The following ADCY5 variants were observed in gnomAD, a reference collection of about 807,000 sequenced individuals.
The protein encoded by ADCY5 is adenylate cyclase 5, also known as adenylate cyclase type 5.
In ADCY5, 30 loss-of-function variants were observed where a neutral mutation model predicts 119.7. That is an observed-to-expected ratio of 0.25 (90% CI 0.19 to 0.34). The LOEUF is 0.34. Among genes scored for constraint, ADCY5 ranks in the 10% least tolerant of loss-of-function variants. ADCY5 has a pLI of 1.00. For synonymous variants in ADCY5, 753 were observed against 762.2 expected, an observed-to-expected ratio of 0.99 and a Z score of 0.20; for missense variants, 1,324 against 1,775.2, an observed-to-expected ratio of 0.75 and a Z score of 4.57.
intron 1 of ADCY5, among the ~76,000 whole-genome samples, chr3:123,396,580 AAAG>A (rs1559860303): frequency 1.4e-5 from 2 of 143,632 alleles, no homozygotes; most frequent in Non-Finnish European, 1.5e-5. Context: ...AAGAAAAAGA[AAAG>A]AAAAGAGAAG....
At chr3:123,285,096 C>G (rs1357638713) in intron 20 of ADCY5, among the ~76,000 whole-genome samples, 2 of 152,210 alleles carry the variant, frequency 1.3e-5, no homozygotes, top group Non-Finnish European at 2.9e-5. Context: ...GCCATCTGAC[C>G]TGGCTGCAGC....
intron 1 of ADCY5, among the ~76,000 whole-genome samples, chr3:123,354,829 A>G (rs1942981907): frequency 6.6e-6 from 1 of 152,240 alleles, no homozygotes; most frequent in Non-Finnish European, 1.5e-5. Flanking sequence ...AATTTTCCAT[A>G]TTAATAGACT....
At chr3:123,319,535 G>T in intron 10 of ADCY5, 139 bp downstream of exon 10, 1 of 1,042,510 alleles carries the variant, frequency 9.6e-7, no homozygotes, top group South Asian at 1.6e-5. Context: ...TCTCTAGGTA[G>T]TGCAGCATCA....
chr3:123,399,859 G>A (rs568534117), intron 1 of ADCY5, among the ~76,000 whole-genome samples: 8 of 152,192 alleles, frequency 5.3e-5, no homozygotes, highest in Admixed American at 2.0e-4. Context: ...TTCATGTAAC[G>A]ACCCTGTGGA....
chr3:123,431,654 C>T (rs1372245314), intron 1 of ADCY5, among the ~76,000 whole-genome samples: 1 of 152,178 alleles, frequency 6.6e-6, no homozygotes, highest in Non-Finnish European at 1.5e-5. Flanking sequence ...GCCATTTATC[C>T]AGCCACATTT....
At chr3:123,427,713 A>G (rs983888055) in intron 1 of ADCY5, among the ~76,000 whole-genome samples, 9 of 152,190 alleles carry the variant, frequency 5.9e-5, no homozygotes, top group African/African-American at 2.2e-4. Flanking sequence ...CATCTGCAAG[A>G]TGTGGGTGAC....
chr3:123,447,303 C>A, intron 1 of ADCY5, 109 bp downstream of exon 1: 2 of 1,250,756 alleles, frequency 1.6e-6, no homozygotes, highest in Admixed American at 3.0e-5. Context: ...CCCTGTCTCT[C>A]TGGCTCTTTT....
At chr3:123,393,433 T>C (rs1462154583) in intron 1 of ADCY5, among the ~76,000 whole-genome samples, 3 of 152,032 alleles carry the variant, frequency 2.0e-5, no homozygotes, top group South Asian at 2.1e-4. Flanking sequence ...GGGTAATGCC[T>C]GTAGCCTTAG....
At chr3:123,292,953 G>T (rs1939248573) in intron 17 of ADCY5, among the ~76,000 whole-genome samples, 1 of 152,220 alleles carries the variant, frequency 6.6e-6, no homozygotes, top group Non-Finnish European at 1.5e-5. Flanking sequence ...GTGGAAGCTA[G>T]GGGCAGGGCC....
At chr3:123,381,376 T>G (rs4677887) in intron 1 of ADCY5, among the ~76,000 whole-genome samples, 72,019 of 152,042 alleles carry the variant, frequency 0.47, 17,824 homozygotes, top group East Asian at 0.68. Context: ...ACTATACCTC[T>G]TTCTCACAAA....
intron 1 of ADCY5, among the ~76,000 whole-genome samples, chr3:123,362,538 C>T (rs1943283426): frequency 6.6e-6 from 1 of 152,188 alleles, no homozygotes; most frequent in Non-Finnish European, 1.5e-5. Flanking sequence ...AGACCCCACG[C>T]TTTGCGCAAC....
chr3:123,378,771 C>T (rs886886124), intron 1 of ADCY5, among the ~76,000 whole-genome samples: 1 of 152,176 alleles, frequency 6.6e-6, no homozygotes, highest in African/African-American at 2.4e-5. Flanking sequence ...TCCCCAGCTC[C>T]GACTGGCCAG....
At chr3:123,294,102 T>C (rs567377380) in intron 17 of ADCY5, among the ~76,000 whole-genome samples, 2 of 152,310 alleles carry the variant, frequency 1.3e-5, no homozygotes, top group South Asian at 4.1e-4. Flanking sequence ...TTGCAGACGA[T>C]AACCCACTGG....
At chr3:123,422,027 C>T (rs115049500) in intron 1 of ADCY5, among the ~76,000 whole-genome samples, 3 of 152,276 alleles carry the variant, frequency 2.0e-5, no homozygotes, top group Non-Finnish European at 4.4e-5. Context: ...CCCGGTGTTT[C>T]TCCCCTGGCC....
At chr3:123,319,320 C>CTG (rs1941087777) in intron 10 of ADCY5, among the ~76,000 whole-genome samples, 1 of 143,690 alleles carries the variant, frequency 7.0e-6, no homozygotes, top group African/African-American at 2.6e-5. Context: ...AGCCACTGGA[C>CTG]TCCAGCCTGG....
chr3:123,291,653 G>C (rs1026104337), intron 17 of ADCY5, among the ~76,000 whole-genome samples: 1 of 152,102 alleles, frequency 6.6e-6, no homozygotes, highest in African/African-American at 2.4e-5. Context: ...CCTGCAGCAG[G>C]GAGCCCCGAG....
chr3:123,447,577 G>C lies in ADCY5; in HGVS notation c.969C>G (p.Arg323=), dbSNP rs1184825705. 1.2e-6 allele frequency: 2 copies of C among 1,608,314 alleles called. No individual in the cohort carries two copies. Among genetic ancestry groups the C allele is most frequent in the Admixed American group, 3.3e-5 (2 of 59,858 alleles). The change falls in exon 1 of 21, where the codon CGC becomes CGG. Residue 323 remains arginine, a synonymous_variant. Coordinates refer to ENST00000462833, the MANE Select transcript of ADCY5 (RefSeq NM_183357.3). ...QVVGLLLPQP[R]SASEGIWWTV... The stretch of plus-strand genomic sequence containing the variant: ...TCCACCAGATGCCCTCAGAGGCGCT[G>C]CGTGGCTGCGGCAGCAGCAGGCCCA...
chr3:123,314,667 G>A (rs1231703663), intron 11 of ADCY5, among the ~76,000 whole-genome samples: 1 of 152,198 alleles, frequency 6.6e-6, no homozygotes, highest in Non-Finnish European at 1.5e-5. Flanking sequence ...CTAATTCTCA[G>A]CTATTCACTG....
intron 1 of ADCY5, among the ~76,000 whole-genome samples, chr3:123,386,207 T>G (rs898805096): frequency 6.6e-6 from 1 of 152,188 alleles, no homozygotes; most frequent in African/African-American, 2.4e-5. Context: ...CCAAGCTGGG[T>G]GACTCAGCCT....
Sources: gnomAD v4.1 joint callset for allele counts (sites outside exome capture counted in the v4.1 genomes callset) on GRCh38, gnomAD v4.1.1 for gene constraint, MANE v1.5 for transcripts, NCBI Gene and HGNC (gene_info 2026-07-23, HGNC 2026-07-21) for gene names.